Variants in SLC12A8 observed in about 807,000 individuals in gnomAD.
SLC12A8 encodes the protein cation-chloride cotransporter 9.
In SLC12A8, 69 loss-of-function variants were observed where a neutral mutation model predicts 75.6. That is an observed-to-expected ratio of 0.91 (90% CI 0.75 to 1.11). The LOEUF (loss-of-function observed/expected upper bound fraction) is 1.11, where lower values mean the gene tolerates loss of function less well. SLC12A8 is among the 50% of genes most tolerant of loss of function. SLC12A8 has a pLI of 0.00. For missense variants in SLC12A8, 877 were observed against 896.7 expected (o/e 0.98, Z 0.28); for synonymous variants, 365 against 372.8 (o/e 0.98, Z 0.24).
chr3:125,176,727 C>T (rs1934536843), intron 5 of SLC12A8, among the ~76,000 whole-genome samples: 1 of 150,588 alleles, frequency 6.6e-6, no homozygotes, highest in Admixed American at 6.6e-5. Context: ...TGAAAAAATG[C>T]TCATCATCAC....
At position 125,161,352 on chromosome 3, in the gene SLC12A8, T is replaced by C. The variant is rs755601495; in HGVS notation, c.622+16391A>G. 2.0e-5 allele frequency among the ~76,000 whole-genome samples: 3 copies of C among 152,330 alleles called. No homozygotes were observed. In the South Asian group the frequency reaches 6.2e-4, roughly 32 times the overall value. On this transcript the variant is annotated intron_variant, in intron 5 of 13. Coordinates refer to ENST00000469902, the MANE Select transcript of SLC12A8 (RefSeq NM_024628.6). Reference sequence around the variant, plus strand: ...ACAAATAGAAATCCATATTCCTATTTCCCTAAATTTGTCTTGCCTGGCGTG... The same window carrying C: ...ACAAATAGAAATCCATATTCCTATTCCCCTAAATTTGTCTTGCCTGGCGTG...
chr3:125,120,470 A>G lies in SLC12A8; in HGVS notation c.824+129T>C. Reference sequence around the variant, plus strand: ...TTTCCAGCCCACCGAGTGTTAAAAGAAGGATCGGAATATGAAATAGATTGG... The same window carrying G: ...TTTCCAGCCCACCGAGTGTTAAAAGGAGGATCGGAATATGAAATAGATTGG... On this transcript the variant is annotated intron_variant, in intron 7 of 13. Coordinates refer to ENST00000469902, the MANE Select transcript of SLC12A8 (RefSeq NM_024628.6). 4.0e-6 allele frequency: 3 copies of G among 748,384 alleles called. No individual in the cohort carries two copies. The South Asian group carries it at 4.6e-5, about 11-fold the overall frequency. The allele number at this position is 748,384 out of a possible 1,614,324, so 46.4% of individuals were successfully genotyped here.
chr3:125,135,585 T>C, intron 6 of SLC12A8, 84 bp downstream of exon 6: 1 of 778,418 alleles, frequency 1.3e-6, no homozygotes. Flanking sequence ...CAAGAGTACC[T>C]GCAGGCCAAT....
At chr3:125,212,375 C>T (rs577372334) in intron 1 of SLC12A8, among the ~76,000 whole-genome samples, 3 of 152,046 alleles carry the variant, frequency 2.0e-5, no homozygotes, top group African/African-American at 4.8e-5. Context: ...CTCCGCTCGC[C>T]CTTCCCGCCG....
intron 10 of SLC12A8, among the ~76,000 whole-genome samples, chr3:125,100,306 T>C (rs111429294): frequency 5.9e-4 from 90 of 152,324 alleles, no homozygotes; most frequent in African/African-American, 2.0e-3. Flanking sequence ...AATGAATCAA[T>C]TGATGTTGCC....
chr3:125,135,519 A>G (rs1027157295), intron 6 of SLC12A8, 150 bp downstream of exon 6: 2 of 498,244 alleles, frequency 4.0e-6, no homozygotes, highest in Admixed American at 3.5e-5. Flanking sequence ...ATAAACAGAT[A>G]AAATAACAAA....
At chr3:125,207,994 T>C (rs1318267643) in intron 2 of SLC12A8, among the ~76,000 whole-genome samples, 1 of 152,128 alleles carries the variant, frequency 6.6e-6, no homozygotes, top group Non-Finnish European at 1.5e-5. Context: ...ACTCACCCCA[T>C]CACATAGTTG....
chr3:125,209,802 G>A (rs1158443393), intron 2 of SLC12A8, among the ~76,000 whole-genome samples: 2 of 152,218 alleles, frequency 1.3e-5, no homozygotes, highest in African/African-American at 2.4e-5. Context: ...GAATTCTGAA[G>A]GCAGTGAGAA....
At chr3:125,147,564 C>T (rs554523305) in intron 5 of SLC12A8, among the ~76,000 whole-genome samples, 4 of 152,298 alleles carry the variant, frequency 2.6e-5, no homozygotes, top group African/African-American at 4.8e-5. Flanking sequence ...CTCCTCCCTC[C>T]GGATCCCCTC....
At chr3:125,202,380 G>T (rs1206737354) in intron 2 of SLC12A8, among the ~76,000 whole-genome samples, 1 of 152,162 alleles carries the variant, frequency 6.6e-6, no homozygotes, top group African/African-American at 2.4e-5. Context: ...AGGAAGCCAG[G>T]GTGTTCAATC....
At chr3:125,205,113 G>C (rs1935201355) in intron 2 of SLC12A8, among the ~76,000 whole-genome samples, 1 of 152,052 alleles carries the variant, frequency 6.6e-6, no homozygotes, top group Admixed American at 6.5e-5. Context: ...CTATAACCCA[G>C]AGCCCACTAG....
At chr3:125,194,675 A>C (rs1035727895) in intron 2 of SLC12A8, among the ~76,000 whole-genome samples, 4 of 152,222 alleles carry the variant, frequency 2.6e-5, no homozygotes, top group Non-Finnish European at 5.9e-5. Context: ...AGCTGGAGGA[A>C]AAGCAATCAG....
At chr3:125,129,470 C>T (rs994068834) in intron 6 of SLC12A8, among the ~76,000 whole-genome samples, 2 of 151,962 alleles carry the variant, frequency 1.3e-5, no homozygotes, top group Non-Finnish European at 2.9e-5. Context: ...GAGAAGAGTG[C>T]AGTGAGGGGG....
At chr3:125,146,181 G>A (rs778841353) in intron 5 of SLC12A8, among the ~76,000 whole-genome samples, 3 of 152,184 alleles carry the variant, frequency 2.0e-5, no homozygotes, top group Non-Finnish European at 4.4e-5. Flanking sequence ...GACCACTGTT[G>A]ACCGTGGATA....
intron 2 of SLC12A8, among the ~76,000 whole-genome samples, chr3:125,208,791 C>CAGAG (rs1287670719): frequency 1.2e-3 from 103 of 84,226 alleles, no homozygotes; most frequent in Non-Finnish European, 1.9e-3. Flanking sequence ...CACACACACA[C>CAGAG]AGAGAGAGAG....
intron 8 of SLC12A8, 104 bp from the exon 9 acceptor site, chr3:125,110,439 T>G: frequency 9.1e-7 from 1 of 1,104,382 alleles, no homozygotes; most frequent in Non-Finnish European, 1.3e-6. Context: ...ATCCACTGAG[T>G]CGTCTAGATC....
chr3:125,187,321 G>A lies in SLC12A8; in HGVS notation c.306C>T (p.Gly102=), dbSNP rs755007709. The change falls in exon 4 of 14, where the codon GGC becomes GGT. Residue 102 remains glycine (G), a synonymous_variant. Coordinates refer to ENST00000469902, the MANE Select transcript of SLC12A8 (RefSeq NM_024628.6). ...GIGVGERSSI[G]SGGVYSMISS... The stretch of plus-strand genomic sequence containing the variant: ...AGATCATGGAGTAGACGCCACCGCT[G>A]CCGATGCTGCTGCGCTCCCCGACGC... The A allele has an allele frequency of 1.1e-5, 18 of 1,614,202 alleles. No individual in the cohort carries two copies. The highest frequency in any genetic ancestry group is 1.5e-5 in the Non-Finnish European group (18 of 1,180,038).
At chr3:125,095,011 C>T (rs1579463875) in intron 10 of SLC12A8, among the ~76,000 whole-genome samples, 1 of 152,180 alleles carries the variant, frequency 6.6e-6, no homozygotes, top group African/African-American at 2.4e-5. Flanking sequence ...TTTGCTGGCT[C>T]GCCTCCTCCT....
chr3:125,099,195 G>T (rs182827116), intron 10 of SLC12A8, among the ~76,000 whole-genome samples: 1 of 151,864 alleles, frequency 6.6e-6, no homozygotes, highest in East Asian at 1.9e-4. Flanking sequence ...GCAGACACAG[G>T]GGGCAACTCC....
Sources: gnomAD v4.1 joint callset for allele counts (sites outside exome capture counted in the v4.1 genomes callset) on GRCh38, gnomAD v4.1.1 for gene constraint, MANE v1.5 for transcripts, NCBI Gene and HGNC (gene_info 2026-07-23, HGNC 2026-07-21) for gene names.